The following NPAS3 variants were observed in gnomAD, a reference collection of about 807,000 sequenced individuals.
NPAS3 encodes neuronal PAS domain-containing protein 3.
NPAS3 carries 14 observed loss-of-function variants against 73.1 expected under a neutral mutation model. That is an observed-to-expected ratio of 0.19 (90% CI 0.13 to 0.30). The LOEUF is 0.30. Among genes scored for constraint, NPAS3 ranks in the 10% least tolerant of loss-of-function variants. The pLI is 1.00. For missense variants in NPAS3, 1,096 were observed against 1,250.0 expected, an observed-to-expected ratio of 0.88 and a Z score of 1.86; for synonymous variants, 620 against 541.5, an observed-to-expected ratio of 1.14 and a Z score of -2.01.
intron 1 of NPAS3, among the ~76,000 whole-genome samples, chr14:33,029,315 A>T (rs1010874804): frequency 3.3e-5 from 5 of 152,166 alleles, no homozygotes; most frequent in African/African-American, 1.2e-4. Context: ...ATCAATTTTA[A>T]TATTTAAAAA....
chr14:33,507,814 G>A (rs7143766), intron 4 of NPAS3, among the ~76,000 whole-genome samples: 40,164 of 151,934 alleles, frequency 0.26, 6,266 homozygotes, highest in East Asian at 0.44. Flanking sequence ...TGGAGTCTGT[G>A]TTTTTGTACT....
chr14:33,675,392 A>G (rs1044714459), intron 5 of NPAS3, among the ~76,000 whole-genome samples: 27 of 152,220 alleles, frequency 1.8e-4, no homozygotes, highest in Non-Finnish European at 3.5e-4. Flanking sequence ...CAGTGCCTCT[A>G]TTTCAGGCTG....
intron 2 of NPAS3, among the ~76,000 whole-genome samples, chr14:33,145,841 C>A (rs928818720): frequency 1.3e-5 from 2 of 152,114 alleles, no homozygotes; most frequent in East Asian, 1.9e-4. Flanking sequence ...CAGGGTATAA[C>A]CCAAGGGTTT....
intron 2 of NPAS3, among the ~76,000 whole-genome samples, chr14:33,178,049 T>A (rs1379540574): frequency 6.6e-6 from 1 of 151,782 alleles, no homozygotes; most frequent in Non-Finnish European, 1.5e-5. Context: ...GATGTTGGAA[T>A]TTTGATAGGC....
chr14:33,213,704 C>T (rs888411953), intron 2 of NPAS3: 1 of 152,176 alleles, frequency 6.6e-6, no homozygotes, highest in South Asian at 2.1e-4. Flanking sequence ...ACTGCTGTTA[C>T]TCTGAAAATG....
chr14:33,428,616 G>T (rs2048652244), intron 4 of NPAS3, among the ~76,000 whole-genome samples: 1 of 152,102 alleles, frequency 6.6e-6, no homozygotes, highest in Non-Finnish European at 1.5e-5. Context: ...TTATGAAAAT[G>T]ATCCATTCAC....
In NPAS3 at chr14:33,774,380, C is replaced by A; in HGVS notation, c.896C>A (p.Ser299Tyr). ...CGGCTACGCCTGAGAGTGTCGCTGTCCCACGGGAGGACCGTCCCCAGCCAA... is the reference window on the plus strand; with the variant it reads ...CGGCTACGCCTGAGAGTGTCGCTGTACCACGGGAGGACCGTCCCCAGCCAA... The change falls in exon 8 of 12, where the codon TCC (serine) becomes TAC (tyrosine). Residue 299 changes from serine (S) to tyrosine (Y), a missense_variant. Ser to Tyr is a moderately radical substitution (Grantham distance 144, BLOSUM62 -2). Around this residue, in one of 5 missense-constraint regions of NPAS3, gnomAD observed 215 missense variants for 260.0 expected, o/e 0.83. Transcript: ENST00000356141. The A allele has an allele frequency of 1.2e-6, 2 of 1,614,028 alleles. No individual in the cohort carries two copies. The highest frequency in any genetic ancestry group is 1.7e-6 in the Non-Finnish European group (2 of 1,179,912).
At chr14:33,607,146 T>C (rs1325435512) in intron 5 of NPAS3, among the ~76,000 whole-genome samples, 1 of 152,212 alleles carries the variant, frequency 6.6e-6, no homozygotes, top group East Asian at 1.9e-4. Context: ...ATGCATACTA[T>C]ATGACCTAGC....
At chr14:33,195,355 C>A (rs945787637) in intron 2 of NPAS3, among the ~76,000 whole-genome samples, 2 of 152,090 alleles carry the variant, frequency 1.3e-5, no homozygotes, top group African/African-American at 4.8e-5. Context: ...ACTGCAACCT[C>A]CACCTCCTGG....
intron 4 of NPAS3, among the ~76,000 whole-genome samples, chr14:33,415,844 T>C (rs1483643474): frequency 6.6e-6 from 1 of 152,120 alleles, no homozygotes; most frequent in African/African-American, 2.4e-5. Context: ...AAACTTAGTT[T>C]TAGAACAGTT....
At chr14:33,119,020 C>A (rs2043150150) in intron 2 of NPAS3, among the ~76,000 whole-genome samples, 1 of 151,842 alleles carries the variant, frequency 6.6e-6, no homozygotes, top group African/African-American at 2.4e-5. Context: ...CAAACACAGA[C>A]CCTAGAACAA....
chr14:33,366,782 T>G (rs2045864113), intron 3 of NPAS3, among the ~76,000 whole-genome samples: 1 of 152,148 alleles, frequency 6.6e-6, no homozygotes, highest in African/African-American at 2.4e-5. Context: ...GTAAGAAGTT[T>G]AGTTTTCTCT....
chr14:33,798,350 C>T (rs1375530887), intron 11 of NPAS3, among the ~76,000 whole-genome samples: 1 of 152,124 alleles, frequency 6.6e-6, no homozygotes, highest in African/African-American at 2.4e-5. Flanking sequence ...ACACATAAGG[C>T]CAGGGAGCAC....
intron 11 of NPAS3, among the ~76,000 whole-genome samples, chr14:33,798,977 CAAAAAAA>C (rs35096703): frequency 2.8e-5 from 3 of 106,216 alleles, no homozygotes; most frequent in South Asian, 3.5e-4. Flanking sequence ...CCTGTCTCTA[CAAAAAAA>C]AAAAAAAAAA....
chr14:32,956,816 A>T (rs975712752), intron 1 of NPAS3, among the ~76,000 whole-genome samples: 1 of 152,228 alleles, frequency 6.6e-6, no homozygotes, highest in Non-Finnish European at 1.5e-5. Flanking sequence ...TTATGTATAT[A>T]CCTAAGTATG....
At position 33,003,320 on chromosome 14, in the gene NPAS3, G is replaced by A. The variant is rs140401766; in HGVS notation, c.51-52585G>A. ...TGATAAAAAAAAAAATAAGCCCAAC[G>A]ACCCACTGCTGCAGAAAGAATTTAG... On this transcript the variant is annotated intron_variant, in intron 1 of 11. Transcript: ENST00000356141. Among the ~76,000 whole-genome samples, 282 of 151,596 alleles carry A rather than the reference G, an allele frequency of 1.9e-3. 1 individual carries two copies. The highest frequency in any genetic ancestry group is 6.6e-3 in the African/African-American group (273 of 41,360).
chr14:32,970,557 G>A (rs2037376941), intron 1 of NPAS3, among the ~76,000 whole-genome samples: 1 of 152,090 alleles, frequency 6.6e-6, no homozygotes, highest in Non-Finnish European at 1.5e-5. Flanking sequence ...TTGTAATGAA[G>A]TGCTGCAAAC....
At chr14:33,795,389 A>G (rs1334646028) in intron 10 of NPAS3, among the ~76,000 whole-genome samples, 2 of 152,142 alleles carry the variant, frequency 1.3e-5, no homozygotes, top group African/African-American at 4.8e-5. Context: ...GTTCAAGATG[A>G]GTTCTGATAT....
At chr14:33,623,640 C>A (rs1220820941) in intron 5 of NPAS3, among the ~76,000 whole-genome samples, 1 of 152,182 alleles carries the variant, frequency 6.6e-6, no homozygotes, top group Non-Finnish European at 1.5e-5. Flanking sequence ...CTCTCCAAGG[C>A]CTTCCCATCT....
Sources: allele counts gnomAD v4.1 joint callset (sites outside exome capture counted in the v4.1 genomes callset), GRCh38; gene constraint gnomAD v4.1.1; regional missense constraint gnomAD v4.1.1; transcripts MANE v1.5; gene names NCBI Gene and HGNC (gene_info 2026-07-23, HGNC 2026-07-21).